PFKFB4: variants seen among roughly 807,000 people sequenced by gnomAD.
The protein encoded by PFKFB4 is 6-phosphofructo-2-kinase/fructose-2,6-bisphosphatase 4.
A neutral mutation model predicts 62.8 loss-of-function variants in PFKFB4; 42 were observed. That is an observed-to-expected ratio of 0.67 (90% confidence interval 0.52 to 0.86). The LOEUF is 0.86. Among genes scored for constraint, PFKFB4 ranks in the 40% least tolerant of loss-of-function variants. PFKFB4 has a pLI of 0.00. For missense variants in PFKFB4, 475 were observed against 627.2 expected (o/e 0.76, Z 2.59); for synonymous variants, 204 against 240.7 (o/e 0.85, Z 1.41).
rs200139068 is a variant in PFKFB4 at position 48,522,003 on chromosome 3, G to C, written c.1333C>G (p.His445Asp). ...ATTGCTACCTGAGGCCTGTCCCGGTGCGTGTTCACAGCAGCCACGTTCAGG... is the reference window on the plus strand; with the variant it reads ...ATTGCTACCTGAGGCCTGTCCCGGTCCGTGTTCACAGCAGCCACGTTCAGG... ...IFLNVAAVNT[H>D]RDRPQNVDIS... The change falls in exon 13 of 14, where the codon CAC becomes GAC. Residue 445 changes from histidine to aspartate, a missense_variant. Physicochemically the swap from His to Asp is moderately conservative, Grantham distance 81. Transcript: ENST00000232375. The C allele has an allele frequency of 1.2e-6, 2 of 1,614,112 alleles. No homozygotes were observed. The highest frequency in any genetic ancestry group is 4.5e-5 in the East Asian group (2 of 44,874).
intron 9 of PFKFB4, 60 bp downstream of exon 9, chr3:48,535,452 T>C (rs2042568373): frequency 1.4e-6 from 2 of 1,427,148 alleles, no homozygotes; most frequent in Non-Finnish European, 9.8e-7. Flanking sequence ...GTTGTTACAA[T>C]ATGATGCAGC....
chr3:48,523,145 G>A (rs1306272939), intron 12 of PFKFB4, among the ~76,000 whole-genome samples: 2 of 151,808 alleles, frequency 1.3e-5, no homozygotes, highest in African/African-American at 2.4e-5. Context: ...AGCACTTTGG[G>A]AGGCCGAGGC....
intron 3 of PFKFB4, among the ~76,000 whole-genome samples, chr3:48,549,409 T>G (rs755275015): frequency 1.6e-4 from 24 of 152,016 alleles, no homozygotes; most frequent in Non-Finnish European, 3.1e-4. Flanking sequence ...CTAAGGCCTG[T>G]ATGCCTGCAC....
intron 9 of PFKFB4, among the ~76,000 whole-genome samples, chr3:48,528,400 G>T (rs1229837827): frequency 1.3e-5 from 2 of 152,208 alleles, no homozygotes; most frequent in Non-Finnish European, 2.9e-5. Context: ...GGTGGCTCAT[G>T]TCTGTAATCC....
chr3:48,547,993 G>C (rs1186921336), intron 3 of PFKFB4: 1 of 152,242 alleles, frequency 6.6e-6, no homozygotes, highest in Non-Finnish European at 1.5e-5. Context: ...ACAGCAGAGA[G>C]GGTTTCTAGG....
chr3:48,549,412 G>A (rs1388663845), intron 3 of PFKFB4, among the ~76,000 whole-genome samples: 1 of 151,986 alleles, frequency 6.6e-6, no homozygotes, highest in Non-Finnish European at 1.5e-5. Flanking sequence ...AGGCCTGTAT[G>A]CCTGCACTCA....
rs539723968 is a variant in PFKFB4, at chr3:48,521,904, GGGCCT to G, written c.1350+77_1350+81del. 1,073 of 1,172,242 alleles carry G rather than the reference GGGCCT, an allele frequency of 9.2e-4. No individual in the cohort carries two copies. Among genetic ancestry groups the G allele is most frequent in the Non-Finnish European group, 1.3e-3 (985 of 777,040 alleles). The allele number at this position is 1,172,242 out of a possible 1,614,324, so 72.6% of individuals were successfully genotyped here. On this transcript the variant is annotated intron_variant, in intron 13 of 13. Coordinates refer to ENST00000232375, the MANE Select transcript of PFKFB4 (RefSeq NM_004567.4). The surrounding 1 kb of genome is among the most constrained non-coding windows in gnomAD (Gnocchi z 5.3). ...GCTCCCTCTGGCAGGTGCCGCAGCT[GGGCCT>G]GGCCCTGGAGGATGTGCAGTCTGGA... is the stretch of plus-strand genomic sequence containing the variant.
intron 3 of PFKFB4, among the ~76,000 whole-genome samples, chr3:48,548,816 C>T (rs1352021101): frequency 1.3e-5 from 2 of 152,216 alleles, no homozygotes; most frequent in Non-Finnish European, 2.9e-5. Flanking sequence ...TCAGGCTCCC[C>T]TTCCCTTCTT....
rs1003460987 is a variant in PFKFB4, at chr3:48,519,387, A to T, written c.*360T>A. 1.4e-5 allele frequency: 3 copies of T among 215,318 alleles called. No individual in the cohort carries two copies. The highest frequency in any genetic ancestry group is 2.8e-5 in the Non-Finnish European group (3 of 106,820). The allele number at this position is 215,318 out of a possible 1,614,324, so 13.3% of individuals were successfully genotyped here. ...TGGGCCACAGTAGGAACATCACAGCAAGCACTTTCCTTTCACATTGTAGGG... is the reference window on the plus strand; with the variant it reads ...TGGGCCACAGTAGGAACATCACAGCTAGCACTTTCCTTTCACATTGTAGGG... On this transcript the variant is annotated 3_prime_UTR_variant, in exon 14 of 14. Coordinates refer to ENST00000232375, the MANE Select transcript of PFKFB4 (RefSeq NM_004567.4).
rs867103341 is a variant in PFKFB4 at position 48,536,141 on chromosome 3, G to A, written c.840+115C>T. ...AGGTTGAATGAAGGTCATTCACCTC[G>A]ACTGCACATTAAAAGAATGGGAGCC... On this transcript the variant is annotated intron_variant, in intron 8 of 13. Transcript: ENST00000232375. The A allele has an allele frequency of 8.5e-5, 72 of 850,048 alleles. 1 individual carries two copies. The highest frequency in any genetic ancestry group is 6.7e-4 in the African/African-American group (40 of 59,834). The allele number at this position is 850,048 out of a possible 1,614,324, so 52.7% of individuals were successfully genotyped here.
intron 7 of PFKFB4, 152 bp downstream of exon 7, chr3:48,538,346 C>G: frequency 3.1e-6 from 3 of 969,038 alleles, no homozygotes; most frequent in Non-Finnish European, 4.5e-6. Context: ...TCTGACCAAA[C>G]ATTTCTGCCC....
upstream of PFKFB4, among the ~76,000 whole-genome samples, chr3:48,560,347 G>C (rs1015993862): frequency 2.0e-5 from 3 of 152,290 alleles, no homozygotes; most frequent in East Asian, 3.9e-4. Context: ...GAGTTTCCAG[G>C]AATTCCAGCT....
At chr3:48,540,518 G>T (rs976214273) in intron 4 of PFKFB4, among the ~76,000 whole-genome samples, 2 of 152,198 alleles carry the variant, frequency 1.3e-5, no homozygotes, top group Non-Finnish European at 2.9e-5. Context: ...AGTACCTGGG[G>T]CCTGCACAAG....
chr3:48,554,049 G>T (rs952884375), intron 1 of PFKFB4, among the ~76,000 whole-genome samples: 2 of 152,162 alleles, frequency 1.3e-5, no homozygotes, highest in African/African-American at 4.8e-5. Flanking sequence ...TTTATCAAGC[G>T]GGGGCGTGCC....
intron 9 of PFKFB4, among the ~76,000 whole-genome samples, chr3:48,527,258 C>G (rs1456868378): frequency 7.3e-6 from 1 of 137,702 alleles, no homozygotes; most frequent in East Asian, 2.1e-4. Context: ...TAAACTAATA[C>G]TTTTTTTTTT....
rs774215796 is a variant in PFKFB4 at position 48,521,546 on chromosome 3, T to C, written c.1350+440A>G. 6.6e-6 allele frequency among the ~76,000 whole-genome samples: 1 copy of C among 152,182 alleles called. No homozygotes were observed. Among genetic ancestry groups the C allele is most frequent in the Non-Finnish European group, 1.5e-5 (1 of 68,020 alleles). ...AAGGTGCTGGGGTTAGGAAAGGGGC[T>C]CATGAGGCCTCGGCTGCAGGGATGG... On this transcript the variant is annotated intron_variant, in intron 13 of 13. Transcript: ENST00000232375. The surrounding 1 kb of genome is among the most constrained non-coding windows in gnomAD (Gnocchi z 5.3).
intron 1 of PFKFB4, among the ~76,000 whole-genome samples, chr3:48,552,851 G>T (rs575901499): frequency 6.3e-4 from 96 of 152,274 alleles, no homozygotes; most frequent in Non-Finnish European, 9.8e-4. Flanking sequence ...ACCCACATGC[G>T]CAGCACAAGG....
intron 8 of PFKFB4, 123 bp downstream of exon 8, chr3:48,536,133 T>C: frequency 1.3e-6 from 1 of 793,696 alleles, no homozygotes; most frequent in Admixed American, 2.4e-5. Context: ...ATGAAGGTCA[T>C]TCACCTCGAC....
At chr3:48,534,919 C>T (rs556994687) in intron 9 of PFKFB4, among the ~76,000 whole-genome samples, 1 of 152,138 alleles carries the variant, frequency 6.6e-6, no homozygotes, top group African/African-American at 2.4e-5. Context: ...AGCAATTCTC[C>T]TGCCTCAGCC....
Sources: allele counts gnomAD v4.1 joint callset (sites outside exome capture counted in the v4.1 genomes callset), GRCh38; gene constraint gnomAD v4.1.1; non-coding constraint Gnocchi (gnomAD v3.1); transcripts MANE v1.5; gene names NCBI Gene and HGNC (gene_info 2026-07-23, HGNC 2026-07-21).